EPHA6: variants seen among roughly 807,000 people sequenced by gnomAD.
EPHA6 encodes EPH receptor A6.
In EPHA6, 50 loss-of-function variants were observed where a neutral mutation model predicts 112.0. The ratio of observed to expected loss-of-function variants is 0.45; its 90% CI spans 0.36 to 0.56. The LOEUF is 0.56. Ranked by LOEUF, EPHA6 falls within the 20% of genes least tolerant of loss-of-function variation. The pLI, the probability that EPHA6 is intolerant of heterozygous loss-of-function variation, is 0.00. For missense variants in EPHA6, 1,280 were observed against 1,417.4 expected, an observed-to-expected ratio of 0.90 and a Z score of 1.56; for synonymous variants, 529 against 490.7, an observed-to-expected ratio of 1.08 and a Z score of -1.03.
intron 5 of EPHA6, among the ~76,000 whole-genome samples, chr3:97,346,811 A>G (rs139211413): frequency 3.9e-5 from 6 of 152,222 alleles, no homozygotes; most frequent in African/African-American, 1.4e-4. Flanking sequence ...TTGAGATACA[A>G]TCCAAGTGCA....
At chr3:97,318,260 T>G (rs887446330) in intron 5 of EPHA6, among the ~76,000 whole-genome samples, 2 of 152,054 alleles carry the variant, frequency 1.3e-5, no homozygotes, top group Non-Finnish European at 2.9e-5. Context: ...CTAAAAAACC[T>G]AACCAGAAAT....
At chr3:97,335,821 C>G (rs916663616) in intron 5 of EPHA6, among the ~76,000 whole-genome samples, 6 of 152,020 alleles carry the variant, frequency 3.9e-5, no homozygotes, top group Non-Finnish European at 7.4e-5. Flanking sequence ...CCCAAGAATT[C>G]AGGGATTGGA....
At chr3:97,305,186 A>T (rs2081265789) in intron 5 of EPHA6, among the ~76,000 whole-genome samples, 1 of 152,092 alleles carries the variant, frequency 6.6e-6, no homozygotes, top group African/African-American at 2.4e-5. Context: ...ATGAGATACC[A>T]TCTCATGCCA....
intron 3 of EPHA6, among the ~76,000 whole-genome samples, chr3:97,028,320 T>C (rs1478884793): frequency 6.6e-6 from 1 of 152,150 alleles, no homozygotes; most frequent in East Asian, 1.9e-4. Flanking sequence ...TTCTGCTTTA[T>C]GACTGTTTGG....
chr3:97,168,900 G>A (rs1370514442), intron 3 of EPHA6, among the ~76,000 whole-genome samples: 1 of 152,158 alleles, frequency 6.6e-6, no homozygotes, highest in African/African-American at 2.4e-5. Context: ...ATGGGCAGGG[G>A]TTGGAACAGC....
At chr3:97,449,771 C>T (rs1371699836) in intron 7 of EPHA6, among the ~76,000 whole-genome samples, 4 of 152,064 alleles carry the variant, frequency 2.6e-5, no homozygotes, top group Non-Finnish European at 5.9e-5. Context: ...ACTCCACCAT[C>T]CTACTAAATC....
chr3:97,263,266 C>T (rs1480574037), intron 5 of EPHA6, among the ~76,000 whole-genome samples: 1 of 151,992 alleles, frequency 6.6e-6, no homozygotes, highest in Non-Finnish European at 1.5e-5. Flanking sequence ...ATAATTCTTA[C>T]TTTTTTATTA....
intron 13 of EPHA6, among the ~76,000 whole-genome samples, chr3:97,632,287 A>ATAT (rs1446615583): frequency 6.6e-6 from 1 of 152,074 alleles, no homozygotes; most frequent in Non-Finnish European, 1.5e-5. Context: ...TATCTATTAA[A>ATAT]TATCCACTGT....
chr3:97,760,905 C>T lies in EPHA6; in HGVS notation c.*12204C>T, dbSNP rs2036148463. On this transcript the variant is annotated 3_prime_UTR_variant, in exon 18 of 18. Coordinates refer to ENST00000389672, the MANE Select transcript of EPHA6 (RefSeq NM_001080448.3). The stretch of plus-strand genomic sequence containing the variant: ...ATTAAGGATTTAACTCTGTACCCAT[C>T]TGCTCTTACAAAAGGGGAAAAAGAT... 1 of 193,206 alleles carries T rather than the reference C, an allele frequency of 5.2e-6. No individual in the cohort carries two copies. Among genetic ancestry groups the T allele is most frequent in the South Asian group, 1.9e-4 (1 of 5,196 alleles). 12.0% of individuals were successfully genotyped at this position (193,206 alleles called of 1,614,324 possible).
intron 11 of EPHA6, among the ~76,000 whole-genome samples, chr3:97,574,647 A>G (rs2093365964): frequency 6.6e-6 from 1 of 152,204 alleles, no homozygotes; most frequent in African/African-American, 2.4e-5. Context: ...AACAAAGACT[A>G]CTATGAAATT....
At position 97,483,976 on chromosome 3, in the gene EPHA6, A is replaced by G; in HGVS notation, c.2117A>G (p.Tyr706Cys). The G allele has an allele frequency of 1.9e-6, 3 of 1,609,480 alleles. No individual in the cohort carries two copies. Among genetic ancestry groups the G allele is most frequent in the Non-Finnish European group, 2.5e-6 (3 of 1,177,856 alleles). ...GIKTYIDPDT[Y>C]EDPSLAVHEF... Reference sequence around the variant, plus strand: ...AAAACTTACATTGATCCAGATACATATGAAGACCCATCCCTAGCAGTCCAT... The same window carrying G: ...AAAACTTACATTGATCCAGATACATGTGAAGACCCATCCCTAGCAGTCCAT... The change falls in exon 10 of 18, where the codon TAT (tyrosine) becomes TGT (cysteine). Residue 706 changes from tyrosine (Y) to cysteine (C), a missense_variant. By Grantham distance (194) the Tyr-to-Cys change is radical. This residue lies in a region of EPHA6 where 878 missense variants were observed against 999.7 expected (regional missense o/e 0.88). Coordinates refer to ENST00000389672, the MANE Select transcript of EPHA6 (RefSeq NM_001080448.3).
At chr3:97,377,258 T>A (rs1056190337) in intron 5 of EPHA6, among the ~76,000 whole-genome samples, 4 of 152,190 alleles carry the variant, frequency 2.6e-5, no homozygotes, top group African/African-American at 9.6e-5. Flanking sequence ...CTGATAGTTT[T>A]ATCAGGGGTT....
chr3:97,140,086 A>G (rs1301968310), intron 3 of EPHA6, among the ~76,000 whole-genome samples: 1 of 152,114 alleles, frequency 6.6e-6, no homozygotes, highest in Non-Finnish European at 1.5e-5. Flanking sequence ...ATAAACTGTA[A>G]AAGACAAAAG....
chr3:97,625,660 AAT>A (rs1449996136), intron 13 of EPHA6, among the ~76,000 whole-genome samples: 6 of 151,590 alleles, frequency 4.0e-5, no homozygotes, highest in Non-Finnish European at 8.9e-5. Flanking sequence ...CAATTCTGTC[AAT>A]TTTTGTTTCA....
At chr3:96,977,834 T>C (rs1444490458) in intron 2 of EPHA6, among the ~76,000 whole-genome samples, 1 of 152,162 alleles carries the variant, frequency 6.6e-6, no homozygotes, top group African/African-American at 2.4e-5. Flanking sequence ...TACTGTATTC[T>C]TACAGTAAAG....
At chr3:97,607,163 T>C (rs2093685786) in intron 12 of EPHA6, among the ~76,000 whole-genome samples, 1 of 149,240 alleles carries the variant, frequency 6.7e-6, no homozygotes, top group Non-Finnish European at 1.5e-5. Context: ...ATCCTCTTTT[T>C]TTCACAAATA....
chr3:97,704,839 T>C (rs550508606), intron 14 of EPHA6, among the ~76,000 whole-genome samples: 4 of 152,222 alleles, frequency 2.6e-5, no homozygotes, highest in African/African-American at 9.6e-5. Flanking sequence ...ATGACTGAAA[T>C]AGATATATTT....
At chr3:97,358,345 C>G (rs938156681) in intron 5 of EPHA6, among the ~76,000 whole-genome samples, 2 of 152,040 alleles carry the variant, frequency 1.3e-5, no homozygotes, top group African/African-American at 4.8e-5. Context: ...ACATATAAAT[C>G]TCTGCCCTTT....
At chr3:97,625,279 CTT>C (rs1179717859) in intron 13 of EPHA6, among the ~76,000 whole-genome samples, 2 of 151,564 alleles carry the variant, frequency 1.3e-5, no homozygotes, top group Non-Finnish European at 3.0e-5. Flanking sequence ...TTCTAATTCT[CTT>C]TGTGATTTCT....
Sources: gnomAD v4.1 joint callset for allele counts (sites outside exome capture counted in the v4.1 genomes callset) on GRCh38, gnomAD v4.1.1 for gene constraint, gnomAD v4.1.1 regional missense constraint, MANE v1.5 for transcripts, NCBI Gene and HGNC (gene_info 2026-07-23, HGNC 2026-07-21) for gene names.